Variants in BCKDHA observed in about 807,000 individuals in gnomAD.
BCKDHA encodes branched chain keto acid dehydrogenase E1 subunit alpha.
BCKDHA carries 43 observed loss-of-function variants against 52.2 expected under a neutral mutation model. The ratio of observed to expected loss-of-function variants is 0.82; its 90% CI spans 0.64 to 1.06. The LOEUF (loss-of-function observed/expected upper bound fraction) is 1.06. BCKDHA is among the 50% of genes least tolerant of loss of function. BCKDHA has a pLI of 0.00. For synonymous variants in BCKDHA, 234 were observed against 247.9 expected (o/e 0.94, Z 0.53); for missense variants, 527 against 621.3 (o/e 0.85, Z 1.61).
intron 1 of BCKDHA, among the ~76,000 whole-genome samples, 191 bp from the exon 2 acceptor site, chr19:41,410,446 T>C (rs977503668): frequency 6.6e-6 from 1 of 152,164 alleles, no homozygotes; most frequent in African/African-American, 2.4e-5. Context: ...ACACAGAAGT[T>C]GTAGTCAGTT....
chr19:41,422,535 C>T, intron 6 of BCKDHA, 94 bp from the exon 7 acceptor site: 1 of 1,595,842 alleles, frequency 6.3e-7, no homozygotes, highest in Non-Finnish European at 8.6e-7. Context: ...AGCACTCAGC[C>T]TTGCTCTCTG....
chr19:41,411,129 G>A, intron 3 of BCKDHA, 120 bp downstream of exon 3: 1 of 1,087,976 alleles, frequency 9.2e-7, no homozygotes. Context: ...GTTCCATAGA[G>A]TTCTGAGGGT....
At chr19:41,412,094 C>T (rs904107329) in intron 3 of BCKDHA, among the ~76,000 whole-genome samples, 1 of 152,186 alleles carries the variant, frequency 6.6e-6, no homozygotes, top group Non-Finnish European at 1.5e-5. Context: ...TGTGTGATCT[C>T]ATGTCCATCC....
intron 1 of BCKDHA, among the ~76,000 whole-genome samples, chr19:41,399,169 T>A (rs568287129): frequency 6.6e-6 from 1 of 152,050 alleles, no homozygotes; most frequent in Admixed American, 6.5e-5. Context: ...AAAGAAGCTC[T>A]GGGTAGGGGA....
At chr19:41,415,187 G>T (rs1485113914) in intron 4 of BCKDHA, among the ~76,000 whole-genome samples, 2 of 152,252 alleles carry the variant, frequency 1.3e-5, no homozygotes, top group African/African-American at 2.4e-5. Context: ...CATGCTCTAG[G>T]AGGGCAAACG....
chr19:41,404,983 G>T (rs902600400), intron 1 of BCKDHA, among the ~76,000 whole-genome samples: 9 of 152,178 alleles, frequency 5.9e-5, no homozygotes, highest in Admixed American at 2.0e-4. Context: ...GTGAAGCAAT[G>T]TGAGTAAGAT....
At chr19:41,413,075 C>G (rs189978117) in intron 3 of BCKDHA, among the ~76,000 whole-genome samples, 5 of 152,324 alleles carry the variant, frequency 3.3e-5, no homozygotes, top group Non-Finnish European at 2.9e-5. Flanking sequence ...CCCATCCTTT[C>G]TCTGCTTCAC....
At chr19:41,410,001 A>G (rs1208515397) in intron 1 of BCKDHA, among the ~76,000 whole-genome samples, 2 of 152,092 alleles carry the variant, frequency 1.3e-5, no homozygotes, top group Non-Finnish European at 2.9e-5. Context: ...GGGTTTCGCC[A>G]TGTTGGCCAC....
At position 41,423,174 on chromosome 19, in the gene BCKDHA, G is replaced by T. The variant is rs1162803051; in HGVS notation, c.1167+5G>T. ...AGGAAGCAGTCCCGCAGGAAGGTGA[G>T]GGTGCCCCGCCCGGGAGGGTGTGCT... On this transcript the variant is annotated splice_donor_5th_base_variant and intron_variant, in intron 8 of 8. Transcript: ENST00000269980. 1 of 1,552,006 alleles carries T rather than the reference G, an allele frequency of 6.4e-7. No homozygotes were observed.
chr19:41,398,698 G>T (rs1445869863), intron 1 of BCKDHA, among the ~76,000 whole-genome samples: 2 of 152,180 alleles, frequency 1.3e-5, no homozygotes, highest in Admixed American at 6.5e-5. Flanking sequence ...AAAAAACCTA[G>T]GTGGAAGCCT....
chr19:41,420,051 G>A (rs2039347905), intron 5 of BCKDHA, among the ~76,000 whole-genome samples: 1 of 152,204 alleles, frequency 6.6e-6, no homozygotes, highest in Non-Finnish European at 1.5e-5. Context: ...ACAGATGTGA[G>A]CCACTGCACC....
At chr19:41,422,580 G>T in intron 6 of BCKDHA, 49 bp from the exon 7 acceptor site, 1 of 1,612,048 alleles carries the variant, frequency 6.2e-7, no homozygotes. Context: ...CCTCGTGCAT[G>T]TTCCTTATCT....
chr19:41,401,826 A>G (rs1158740991), intron 1 of BCKDHA, among the ~76,000 whole-genome samples: 1 of 152,156 alleles, frequency 6.6e-6, no homozygotes, highest in East Asian at 1.9e-4. Context: ...ATTATCGGTG[A>G]CTATTTCTGT....
chr19:41,422,087 G>A (rs901795227), intron 5 of BCKDHA, 77 bp from the exon 6 acceptor site: 103 of 1,428,798 alleles, frequency 7.2e-5, no homozygotes, highest in Non-Finnish European at 8.7e-5. Context: ...CGCTTGAGCC[G>A]TGGGTCATGT....
At chr19:41,408,961 T>G (rs1271956018) in intron 1 of BCKDHA, among the ~76,000 whole-genome samples, 1 of 151,952 alleles carries the variant, frequency 6.6e-6, no homozygotes, top group Non-Finnish European at 1.5e-5. Flanking sequence ...CTTTTGTCTT[T>G]TTTTGTGTGT....
intron 4 of BCKDHA, among the ~76,000 whole-genome samples, chr19:41,414,442 A>T (rs1303557676): frequency 6.6e-6 from 1 of 152,058 alleles, no homozygotes; most frequent in East Asian, 1.9e-4. Context: ...TCAGTTTTCT[A>T]ATCTCCAGAA....
At chr19:41,417,881 C>T (rs1361394263) in intron 4 of BCKDHA, among the ~76,000 whole-genome samples, 3 of 150,892 alleles carry the variant, frequency 2.0e-5, no homozygotes, top group African/African-American at 4.9e-5. Context: ...GCCAAGATTG[C>T]GCCATTGCAT....
chr19:41,406,731 G>A (rs1007814775), intron 1 of BCKDHA, among the ~76,000 whole-genome samples: 6 of 152,040 alleles, frequency 3.9e-5, no homozygotes, highest in Non-Finnish European at 7.4e-5. Context: ...CATCATGCAC[G>A]GCTGTTTTTT....
At chr19:41,401,133 A>G (rs933270155) in intron 1 of BCKDHA, among the ~76,000 whole-genome samples, 3 of 151,590 alleles carry the variant, frequency 2.0e-5, no homozygotes, top group Non-Finnish European at 4.4e-5. Context: ...CTGGAGTGCA[A>G]TGGCATGATC....
Sources: allele counts gnomAD v4.1 joint callset (sites outside exome capture counted in the v4.1 genomes callset), GRCh38; gene constraint gnomAD v4.1.1; transcripts MANE v1.5; gene names NCBI Gene and HGNC (gene_info 2026-07-23, HGNC 2026-07-21).